XRN2: variants seen among roughly 807,000 people sequenced by gnomAD.
XRN2 encodes the protein DHM1-like protein.
XRN2 carries 44 observed loss-of-function variants against 138.5 expected under a neutral mutation model. The ratio of observed to expected loss-of-function variants is 0.32; its 90% CI spans 0.25 to 0.41. The LOEUF (loss-of-function observed/expected upper bound fraction) is 0.41. XRN2 is among the 10% of genes least tolerant of loss of function. XRN2 has a pLI of 1.00. For synonymous variants in XRN2, 354 were observed against 369.4 expected (o/e 0.96, Z 0.48); for missense variants, 937 against 1,169.3 (o/e 0.80, Z 2.90).
At chr20:21,337,208 A>G (rs1432877121) in intron 13 of XRN2, among the ~76,000 whole-genome samples, 1 of 152,200 alleles carries the variant, frequency 6.6e-6, no homozygotes, top group Non-Finnish European at 1.5e-5. Context: ...GTGTGGAGGG[A>G]AAGGTCAAAG....
chr20:21,314,847 C>T (rs1157413433), intron 1 of XRN2, among the ~76,000 whole-genome samples: 1 of 152,112 alleles, frequency 6.6e-6, no homozygotes, highest in Non-Finnish European at 1.5e-5. Context: ...ACAAGGACAT[C>T]CATGTACAAT....
At chr20:21,308,268 G>T in intron 1 of XRN2, among the ~76,000 whole-genome samples, 1 of 152,194 alleles carries the variant, frequency 6.6e-6, no homozygotes, top group East Asian at 1.9e-4. Context: ...TGAACATTGG[G>T]ATTGTTTCCA....
intron 26 of XRN2, among the ~76,000 whole-genome samples, chr20:21,367,681 G>A (rs548673226): frequency 6.6e-6 from 1 of 152,224 alleles, no homozygotes; most frequent in African/African-American, 2.4e-5. Flanking sequence ...AGCGCTTAGG[G>A]TAGTTCCTAA....
rs976503836 is a variant in XRN2, at chr20:21,346,456, A to G, written c.1571A>G (p.Lys524Arg). The stretch of plus-strand genomic sequence containing the variant: ...TGGAAGCAGCGGTACTACAAGAACA[A>G]ATTTGATGTGGATGCAGCTGATGAG... ...AGWKQRYYKN[K>R]FDVDAADEKF... Residue 524 changes from lysine to arginine, a missense_variant, in exon 17 of 30, where the codon AAA becomes AGA. This residue lies in a region of XRN2 where 471 missense variants were observed against 581.2 expected (regional missense o/e 0.81). Coordinates refer to ENST00000377191, the MANE Select transcript of XRN2 (RefSeq NM_012255.5). The G allele has an allele frequency of 1.2e-6, 2 of 1,614,190 alleles. No individual in the cohort carries two copies. Among genetic ancestry groups the G allele is most frequent in the African/African-American group, 2.7e-5 (2 of 75,050 alleles).
chr20:21,359,517 T>G (rs1161092707), intron 24 of XRN2, among the ~76,000 whole-genome samples: 1 of 148,042 alleles, frequency 6.8e-6, no homozygotes, highest in Non-Finnish European at 1.5e-5. Flanking sequence ...AGAGCAAGAC[T>G]CCATCTCAAA....
intron 16 of XRN2, among the ~76,000 whole-genome samples, chr20:21,346,164 A>G (rs2038433212): frequency 6.6e-6 from 1 of 152,216 alleles, no homozygotes; most frequent in Non-Finnish European, 1.5e-5. Context: ...AACATTTTTG[A>G]AAATGTGGTT....
Position 21,333,786 on chromosome 20 carries a change from G to T in XRN2, c.1016G>T (p.Cys339Phe). The T allele has an allele frequency of 6.2e-7, 1 of 1,614,072 alleles. No homozygotes were observed. The highest frequency in any genetic ancestry group is 8.5e-7 in the Non-Finnish European group (1 of 1,179,982). ...ERSIDDWVFM[C>F]FFVGNDFLPH... ...AGCATTGATGACTGGGTTTTCATGT[G>T]CTTCTTTGTGGGAAATGACTTCCTC... Residue 339 changes from cysteine (C) to phenylalanine (F), a missense_variant, in exon 11 of 30, where the codon TGC becomes TTC. By Grantham distance (205) the Cys-to-Phe change is radical (BLOSUM62 -2). Around this residue, in one of 6 missense-constraint regions of XRN2, gnomAD observed 471 missense variants for 581.2 expected, o/e 0.81. Transcript: ENST00000377191.
chr20:21,369,207 C>G (rs559385757), intron 27 of XRN2, among the ~76,000 whole-genome samples: 25 of 152,300 alleles, frequency 1.6e-4, no homozygotes, highest in African/African-American at 5.8e-4. Context: ...AACATAACGA[C>G]CTCCGTTTCC....
chr20:21,389,457 T>A lies in XRN2; in HGVS notation c.*119T>A. ...ACTACAGTACTTTGTGTATTTCTTT[T>A]AACTGTGTATATTTCTACTGATCTG... On this transcript the variant is annotated 3_prime_UTR_variant, in exon 30 of 30. Coordinates refer to ENST00000377191, the MANE Select transcript of XRN2 (RefSeq NM_012255.5). 2.3e-6 allele frequency: 2 copies of A among 884,060 alleles called. No individual in the cohort carries two copies. Among genetic ancestry groups the A allele is most frequent in the Non-Finnish European group, 3.4e-6 (2 of 588,296 alleles). The allele number at this position is 884,060 out of a possible 1,614,324, so 54.8% of individuals were successfully genotyped here.
intron 22 of XRN2, among the ~76,000 whole-genome samples, 198 bp from the exon 23 acceptor site, chr20:21,356,388 G>A (rs138076070): frequency 6.6e-6 from 1 of 152,108 alleles, no homozygotes; most frequent in African/African-American, 2.4e-5. Flanking sequence ...GTTAAATAAT[G>A]TATCAGAATT....
chr20:21,327,173 G>C (rs570732792), intron 3 of XRN2, among the ~76,000 whole-genome samples: 3 of 152,236 alleles, frequency 2.0e-5, no homozygotes, highest in South Asian at 4.1e-4. Flanking sequence ...AATTGAGAAG[G>C]GAAGTATAGC....
intron 22 of XRN2, 79 bp downstream of exon 22, chr20:21,356,256 T>C: frequency 4.5e-6 from 5 of 1,123,328 alleles, no homozygotes; most frequent in Non-Finnish European, 6.4e-6. Flanking sequence ...AATTTACCAT[T>C]ATAACCATTT....
intron 15 of XRN2, among the ~76,000 whole-genome samples, chr20:21,342,347 T>C (rs2038382688): frequency 6.6e-6 from 1 of 152,184 alleles, no homozygotes; most frequent in African/African-American, 2.4e-5. Context: ...TCATTATATC[T>C]AATTTGATGA....
intron 28 of XRN2, among the ~76,000 whole-genome samples, chr20:21,386,393 C>T (rs1483283734): frequency 1.3e-5 from 2 of 152,176 alleles, no homozygotes; most frequent in African/African-American, 4.8e-5. Context: ...AGTCTCCTAC[C>T]CTGGATTCAA....
rs760087097 is a variant in XRN2 at position 21,326,617 on chromosome 20, A to G, written c.315+16A>G. ...AGATGGAGTGGTAAGTGCTAAAATA[A>G]TTAGAAGCCTCCATTTTGTTTTTTT... On this transcript the variant is annotated intron_variant, in intron 3 of 29. Transcript: ENST00000377191. The G allele has an allele frequency of 6.3e-6, 10 of 1,587,246 alleles. No individual in the cohort carries two copies. Among genetic ancestry groups the G allele is most frequent in the Admixed American group, 5.5e-5 (3 of 54,622 alleles).
At chr20:21,326,708 C>A in intron 3 of XRN2, 107 bp downstream of exon 3, 1 of 869,246 alleles carries the variant, frequency 1.2e-6, no homozygotes, top group Non-Finnish European at 1.8e-6. Flanking sequence ...CAGTGATGAA[C>A]TTGAGAAAGA....
chr20:21,366,104 TAA>T (rs2038696326), intron 26 of XRN2, among the ~76,000 whole-genome samples: 1 of 118,338 alleles, frequency 8.5e-6, no homozygotes, highest in Non-Finnish European at 1.7e-5. Context: ...ATAACATATA[TAA>T]ATATATATTA....
chr20:21,339,599 C>A (rs538170349), intron 14 of XRN2, among the ~76,000 whole-genome samples: 1 of 152,208 alleles, frequency 6.6e-6, no homozygotes, highest in Non-Finnish European at 1.5e-5. Context: ...CTTCTAAATA[C>A]GCCATATCCC....
intron 1 of XRN2, among the ~76,000 whole-genome samples, chr20:21,313,687 A>G (rs1324526498): frequency 1.3e-5 from 2 of 152,242 alleles, no homozygotes; most frequent in South Asian, 4.1e-4. Flanking sequence ...AACTCTTGGT[A>G]ATACTGCGTT....
Sources: allele counts gnomAD v4.1 joint callset (sites outside exome capture counted in the v4.1 genomes callset), GRCh38; gene constraint gnomAD v4.1.1; regional missense constraint gnomAD v4.1.1; transcripts MANE v1.5; gene names NCBI Gene and HGNC (gene_info 2026-07-23, HGNC 2026-07-21).